NTRK2: variants seen among roughly 807,000 people sequenced by gnomAD.
NTRK2 encodes the protein BDNF/NT-3 growth factors receptor.
A neutral mutation model predicts 94.5 loss-of-function variants in NTRK2; 13 were observed. The ratio of observed to expected loss-of-function variants is 0.14; its 90% CI spans 0.09 to 0.22. The LOEUF is 0.22. NTRK2 is among the 10% of genes least tolerant of loss of function. NTRK2 has a pLI of 1.00. For missense variants in NTRK2, 639 were observed against 1,071.2 expected (o/e 0.60, Z 5.63); for synonymous variants, 372 against 407.4 (o/e 0.91, Z 1.05).
chr9:84,700,024 G>A (rs2060628081), intron 2 of NTRK2, among the ~76,000 whole-genome samples: 1 of 152,158 alleles, frequency 6.6e-6, no homozygotes, highest in African/African-American at 2.4e-5. Context: ...GAGGATGCAA[G>A]GATAATCCAG....
chr9:84,948,409 C>T (rs1427462452), intron 15 of NTRK2, 53 bp from the exon 16 acceptor site: 1 of 1,559,564 alleles, frequency 6.4e-7, no homozygotes, highest in Non-Finnish European at 8.8e-7. Context: ...TTTCCTATCT[C>T]AGTATCATAG....
chr9:84,944,215 T>TCACACACACACA lies in NTRK2; in HGVS notation c.1765-4220_1765-4209dup, dbSNP rs56021326. ...TGTTCTCTCTCTCTCTCTCTCTCTC[T>TCACACACACACA]CACACACACACACACACACACACAC... On this transcript the variant is annotated intron_variant, in intron 15 of 18. Coordinates refer to ENST00000277120, the MANE Select transcript of NTRK2 (RefSeq NM_006180.6). Among the ~76,000 whole-genome samples the TCACACACACACA allele has an allele frequency of 9.6e-4, 115 of 120,316 alleles. 2 individuals carry two copies. Among genetic ancestry groups the TCACACACACACA allele is most frequent in the East Asian group, 6.4e-3 (28 of 4,346 alleles). The allele number at this position is 120,316 out of a possible 152,430, so 78.9% of individuals were successfully genotyped here. A position where few individuals can be genotyped will look rare whatever the true frequency, so the allele number is the denominator to read the frequency against.
intron 14 of NTRK2, among the ~76,000 whole-genome samples, chr9:84,889,680 T>C (rs2076539187): frequency 6.6e-6 from 1 of 152,242 alleles, no homozygotes; most frequent in African/African-American, 2.4e-5. Context: ...CCCAAAGTGC[T>C]AGGATTACTG....
rs1832871577 is a variant in NTRK2, at chr9:85,023,253, T to C, written c.*1816T>C. 1 of 232,934 alleles carries C rather than the reference T, an allele frequency of 4.3e-6. No homozygotes were observed. Among genetic ancestry groups the C allele is most frequent in the Admixed American group, 5.6e-5 (1 of 17,784 alleles). The allele number at this position is 232,934 out of a possible 1,614,324, so 14.4% of individuals were successfully genotyped here. ...TTGCTACCCTCTGTGAGGGGAATTT[T>C]GCTAAACTTGACATCTTTATAACAT... On this transcript the variant is annotated 3_prime_UTR_variant, in exon 19 of 19. Transcript: ENST00000277120.
At chr9:84,879,156 C>T (rs2076180273) in intron 14 of NTRK2, among the ~76,000 whole-genome samples, 1 of 151,192 alleles carries the variant, frequency 6.6e-6, no homozygotes, top group South Asian at 2.1e-4. Context: ...GAGAGAGAGA[C>T]AGAGAGAGAG....
Position 84,809,739 on chromosome 9 carries a change from G to T in NTRK2, c.1397-51301G>T, listed in dbSNP as rs138282616. Among the ~76,000 whole-genome samples, 1,152 of 151,728 alleles carry T rather than the reference G, an allele frequency of 7.6e-3. 20 individuals are homozygous for T. Among genetic ancestry groups the T allele is most frequent in the African/African-American group, 0.026 (1,083 of 41,402 alleles). On this transcript the variant is annotated intron_variant, in intron 12 of 18. Transcript: ENST00000277120. ...GCTACTAAAAATACAAAAATTAGCC[G>T]CGCGTGGTGGCACATGCCTATAATC...
At chr9:84,913,253 A>G (rs909395115) in intron 14 of NTRK2, among the ~76,000 whole-genome samples, 2 of 152,236 alleles carry the variant, frequency 1.3e-5, no homozygotes, top group African/African-American at 4.8e-5. Context: ...GGCACATTTT[A>G]TATACATACA....
chr9:84,820,259 T>C (rs930001936), intron 12 of NTRK2, among the ~76,000 whole-genome samples: 1 of 149,748 alleles, frequency 6.7e-6, no homozygotes, highest in African/African-American at 2.4e-5. Context: ...AACCTCCGCA[T>C]CCCAGGTTCA....
intron 17 of NTRK2, among the ~76,000 whole-genome samples, chr9:85,019,563 A>C (rs1360165811): frequency 6.6e-6 from 1 of 152,218 alleles, no homozygotes; most frequent in Non-Finnish European, 1.5e-5. Context: ...AAATGTATTT[A>C]TCTATTGTGG....
chr9:84,886,707 C>T (rs1256779068), intron 14 of NTRK2, among the ~76,000 whole-genome samples: 1 of 152,192 alleles, frequency 6.6e-6, no homozygotes, highest in Non-Finnish European at 1.5e-5. Flanking sequence ...CTCCTGTTAC[C>T]TTTATGTCAA....
chr9:84,821,899 G>T (rs1448533973), intron 12 of NTRK2, among the ~76,000 whole-genome samples: 1 of 151,968 alleles, frequency 6.6e-6, no homozygotes. Context: ...TCTTGGTTAT[G>T]AGGTGCATTT....
At chr9:84,969,895 A>G (rs930132805) in intron 17 of NTRK2, among the ~76,000 whole-genome samples, 28 of 152,342 alleles carry the variant, frequency 1.8e-4, no homozygotes, top group African/African-American at 6.5e-4. Flanking sequence ...TGCTCATTAG[A>G]CATGTATAAT....
In NTRK2 at chr9:85,025,617, T is replaced by C. The variant is rs1832995789; in HGVS notation, c.*4180T>C. Reference sequence around the variant, plus strand: ...TGGACTGCCTGTAATACCAATAACATTGTTGTATCTAACTAAATAAATGAC... The same window carrying C: ...TGGACTGCCTGTAATACCAATAACACTGTTGTATCTAACTAAATAAATGAC... On this transcript the variant is annotated 3_prime_UTR_variant, in exon 19 of 19. Transcript: ENST00000277120. The C allele has an allele frequency of 4.3e-6, 1 of 233,162 alleles. No individual in the cohort carries two copies. The highest frequency in any genetic ancestry group is 2.2e-5 in the African/African-American group (1 of 45,364). The allele number at this position is 233,162 out of a possible 1,614,324, so 14.4% of individuals were successfully genotyped here. A position where few individuals can be genotyped will look rare whatever the true frequency, so the allele number is the denominator to read the frequency against.
intron 14 of NTRK2, chr9:84,874,452 C>T: frequency 9.4e-7 from 1 of 1,065,926 alleles, no homozygotes; most frequent in South Asian, 4.5e-5. Context: ...GGCTTCTTCT[C>T]AGATTAATTG....
intron 17 of NTRK2, among the ~76,000 whole-genome samples, chr9:84,983,894 T>G (rs1358241988): frequency 6.6e-6 from 1 of 152,310 alleles, no homozygotes; most frequent in Non-Finnish European, 1.5e-5. Flanking sequence ...CTGACAATTA[T>G]GGTGGAAGAC....
At chr9:84,781,898 A>T (rs1481299812) in intron 12 of NTRK2, among the ~76,000 whole-genome samples, 1 of 152,174 alleles carries the variant, frequency 6.6e-6, no homozygotes, top group East Asian at 1.9e-4. Flanking sequence ...TCTCTTAGCT[A>T]GTAAAGTCAT....
intron 14 of NTRK2, chr9:84,871,941 T>A (rs200284351): frequency 6.2e-6 from 10 of 1,602,292 alleles, no homozygotes; most frequent in Non-Finnish European, 8.5e-6. Context: ...CATCTTGACG[T>A]CACTCCTTAG....
At chr9:84,872,392 C>G (rs202022251) in intron 14 of NTRK2, 1 of 1,088,286 alleles carries the variant, frequency 9.2e-7, no homozygotes, top group African/African-American at 1.6e-5. Context: ...TATCTTCTCC[C>G]GTCGGAGCAA....
intron 12 of NTRK2, among the ~76,000 whole-genome samples, chr9:84,835,474 G>T (rs2131719414): frequency 6.6e-6 from 1 of 151,992 alleles, no homozygotes; most frequent in Admixed American, 6.6e-5. Context: ...AAGTGCTAAA[G>T]CCACGGGATA....
Sources: gnomAD v4.1 joint callset for allele counts (sites outside exome capture counted in the v4.1 genomes callset) on GRCh38, gnomAD v4.1.1 for gene constraint, MANE v1.5 for transcripts, NCBI Gene and HGNC (gene_info 2026-07-23, HGNC 2026-07-21) for gene names.